NCAPH2: variants seen among roughly 807,000 people sequenced by gnomAD.
NCAPH2 encodes non-SMC condensin II complex subunit H2.
In NCAPH2, 56 loss-of-function variants were observed where a neutral mutation model predicts 88.6. The ratio of observed to expected loss-of-function variants is 0.63; its 90% CI spans 0.51 to 0.79. The LOEUF (loss-of-function observed/expected upper bound fraction) is 0.79. NCAPH2 is among the 30% of genes least tolerant of loss of function. The pLI is 0.00. For missense variants in NCAPH2, 794 were observed against 792.0 expected (o/e 1.00, Z -0.03); for synonymous variants, 378 against 313.6 (o/e 1.21, Z -2.17).
At chr22:50,517,377 G>T in intron 2 of NCAPH2, 50 bp from the exon 3 acceptor site, 5 of 1,598,684 alleles carry the variant, frequency 3.1e-6, no homozygotes, top group Non-Finnish European at 4.3e-6. Context: ...GAAGGCCTTG[G>T]GGGTGGGCCC....
intron 2 of NCAPH2, among the ~76,000 whole-genome samples, chr22:50,516,919 G>C (rs2068940415): frequency 6.6e-6 from 1 of 152,192 alleles, no homozygotes; most frequent in Admixed American, 6.5e-5. Flanking sequence ...TGGGGCCTCT[G>C]TTCTGTGGAG....
At chr22:50,514,106 C>CAAACAAAACA (rs568739989) in intron 1 of NCAPH2, among the ~76,000 whole-genome samples, 2 of 152,030 alleles carry the variant, frequency 1.3e-5, no homozygotes, top group Non-Finnish European at 2.9e-5. Flanking sequence ...GACTCCGTCT[C>CAAACAAAACA]AAACAAAACA....
chr22:50,508,461 GAGTGA>G lies in NCAPH2; in HGVS notation c.108+17_108+21del. The G allele has an allele frequency of 1.1e-6, 1 of 945,598 alleles. No homozygotes were observed. The allele number at this position is 945,598 out of a possible 1,614,324, so 58.6% of individuals were successfully genotyped here. ...TCTGGAGGAGGTAAGGGCGGCGGGG[GAGTGA>G]CGCGGGGTGGGCCGGCGGGTGGGGC... On this transcript the variant is annotated intron_variant, in intron 1 of 19. Transcript: ENST00000420993.
At chr22:50,521,680 G>A (rs1948510002) in intron 11 of NCAPH2, 61 bp from the exon 12 acceptor site, 5 of 1,610,014 alleles carry the variant, frequency 3.1e-6, no homozygotes, top group African/African-American at 2.7e-5. Flanking sequence ...GTGGGGGGGT[G>A]GGAGTGGGCT....
chr22:50,508,869 C>G (rs539847952), intron 1 of NCAPH2, among the ~76,000 whole-genome samples: 1 of 152,200 alleles, frequency 6.6e-6, no homozygotes, highest in Non-Finnish European at 1.5e-5. Flanking sequence ...ATGCTCTATC[C>G]TGTTAGCGAT....
Position 50,517,409 on chromosome 22 carries a change from C to T in NCAPH2, c.211-18C>T, listed in dbSNP as rs1290142570. On this transcript the variant is annotated intron_variant, in intron 2 of 19. Transcript: ENST00000420993. ...GCCCCTCCTTTCTGGGTCCTCACTGCCTGCATCTGGTCACCAGGTGGAATA... is the reference window on the plus strand; with the variant it reads ...GCCCCTCCTTTCTGGGTCCTCACTGTCTGCATCTGGTCACCAGGTGGAATA... 1 of 1,613,902 alleles carries T rather than the reference C, an allele frequency of 6.2e-7. No individual in the cohort carries two copies. Among genetic ancestry groups the T allele is most frequent in the South Asian group, 1.1e-5 (1 of 91,082 alleles).
At chr22:50,509,847 C>T (rs1312419112) in intron 1 of NCAPH2, among the ~76,000 whole-genome samples, 1 of 152,164 alleles carries the variant, frequency 6.6e-6, no homozygotes, top group African/African-American at 2.4e-5. Context: ...AACCAGTCAA[C>T]CTATGGCCCC....
In NCAPH2 at chr22:50,519,257, G is replaced by C. The variant is rs745592224; in HGVS notation, c.798G>C (p.Glu266Asp). The C allele has an allele frequency of 1.9e-6, 3 of 1,608,610 alleles. No homozygotes were observed. In the East Asian group the frequency reaches 6.7e-5, roughly 36 times the overall value. Residue 266 changes from glutamate (E) to aspartate (D), a missense_variant, in exon 9 of 20, where the codon GAG (glutamate) becomes GAC (aspartate). By Grantham distance (45) the Glu-to-Asp change is conservative. Transcript: ENST00000420993. ...ACGAGGATGCAGAGGAGGCAGTAGA[G>C]CTTCCTGAGGCCTCGGCCCCCAAGG... ...GEDEDAEEAV[E>D]LPEASAPKAA...
rs987764814 is a variant in NCAPH2 at position 50,521,580 on chromosome 22, A to T, written c.971A>T (p.Asp324Val). ...CCCTGGCAGAGCCTGGACCCCTTTG[A>T]CTCCTTGGAGTCTAAGCCCTTCAAG... is the stretch of plus-strand genomic sequence containing the variant. ...PDPWQSLDPF[D>V]SLESKPFKKG... Residue 324 changes from aspartate to valine, a missense_variant, in exon 11 of 20, where the codon GAC becomes GTC. Coordinates refer to ENST00000420993, the MANE Select transcript of NCAPH2 (RefSeq NM_152299.4). 1 of 1,613,050 alleles carries T rather than the reference A, an allele frequency of 6.2e-7. No homozygotes were observed. The highest frequency in any genetic ancestry group is 1.3e-5 in the African/African-American group (1 of 74,812).
intron 1 of NCAPH2, among the ~76,000 whole-genome samples, chr22:50,515,562 A>G (rs1437170199): frequency 6.6e-6 from 1 of 151,908 alleles, no homozygotes; most frequent in African/African-American, 2.4e-5. Flanking sequence ...ACGCCCAGCT[A>G]ATTTTTTGTA....
chr22:50,518,050 C>T lies in NCAPH2; in HGVS notation c.498C>T (p.Tyr166=), dbSNP rs1236029408. 4 of 1,613,906 alleles carry T rather than the reference C, an allele frequency of 2.5e-6. No homozygotes were observed. Among genetic ancestry groups the T allele is most frequent in the Non-Finnish European group, 3.4e-6 (4 of 1,179,956 alleles). The part of the protein sequence containing the change: ...DEMEKNNNPL[Y]SRQGEVLASR... ...TGGAGAAGAACAACAATCCCCTGTA[C>T]AGGTAGGGATCTGAGCCCAGCGACG... is the stretch of plus-strand genomic sequence containing the variant. Residue 166 remains tyrosine, a splice_region_variant and synonymous_variant, in exon 6 of 20, where the codon TAC becomes TAT. Coordinates refer to ENST00000420993, the MANE Select transcript of NCAPH2 (RefSeq NM_152299.4).
chr22:50,516,182 G>A (rs139625509), intron 1 of NCAPH2, among the ~76,000 whole-genome samples: 132 of 152,260 alleles, frequency 8.7e-4, no homozygotes, highest in African/African-American at 2.8e-3. Flanking sequence ...GGAGGGAGCC[G>A]CTGTGCTGCC....
chr22:50,523,302 T>C lies in NCAPH2; in HGVS notation c.1745T>C (p.Leu582Pro), dbSNP rs1366938717. Reference sequence around the variant, plus strand: ...GAGATGGCCGTGGACACCATGTCCCTGAGACTGCTCACGCACCAGCGAGCG... The same window carrying C: ...GAGATGGCCGTGGACACCATGTCCCCGAGACTGCTCACGCACCAGCGAGCG... ...GLEMAVDTMS[L>P]RLLTHQRAHK... Residue 582 changes from leucine (L) to proline (P), a missense_variant, in exon 20 of 20, where the codon CTG (leucine) becomes CCG (proline). This residue lies in a region of NCAPH2 where 735 missense variants were observed against 696.3 expected (regional missense o/e 1.06). Coordinates refer to ENST00000420993, the MANE Select transcript of NCAPH2 (RefSeq NM_152299.4). 2.5e-6 allele frequency: 4 copies of C among 1,600,050 alleles called. No individual in the cohort carries two copies. Among genetic ancestry groups the C allele is most frequent in the Admixed American group, 3.4e-5 (2 of 57,976 alleles).
rs987496630 is a variant in NCAPH2 at position 50,516,342 on chromosome 22, C to T, written c.109-105C>T. The T allele has an allele frequency of 1.6e-5, 16 of 994,678 alleles. No individual in the cohort carries two copies. In the African/African-American group the frequency reaches 2.2e-4, roughly 14 times the overall value. 61.6% of individuals were successfully genotyped at this position (994,678 alleles called of 1,614,324 possible). On this transcript the variant is annotated intron_variant, in intron 1 of 19. Coordinates refer to ENST00000420993, the MANE Select transcript of NCAPH2 (RefSeq NM_152299.4). ...CCACAGCATAGCTAGAGCTGCCCGT[C>T]TCGGGAGGTGCTGGGCAGAGACCAA...
Position 50,522,845 on chromosome 22 carries a change from A to G in NCAPH2, c.1450A>G (p.Lys484Glu). The G allele has an allele frequency of 1.2e-6, 2 of 1,613,456 alleles. No individual in the cohort carries two copies. Among genetic ancestry groups the G allele is most frequent in the Non-Finnish European group, 1.7e-6 (2 of 1,179,992 alleles). The change falls in exon 18 of 20, where the codon AAG (lysine) becomes GAG (glutamate). Residue 484 changes from lysine to glutamate, a missense_variant. Physicochemically the swap from Lys to Glu is moderately conservative, Grantham distance 56 (BLOSUM62 1). This residue lies in a region of NCAPH2 where 735 missense variants were observed against 696.3 expected (regional missense o/e 1.06). Transcript: ENST00000420993. The part of the protein sequence containing the change: ...NVELFIATSQ[K>E]FVQETELSQR... ...GGAGCTCTTCATCGCCACCTCCCAG[A>G]AGTTTGTCCAGGAGACAGAGCTGAG...
chr22:50,518,882 G>A, intron 8 of NCAPH2, 150 bp downstream of exon 8: 1 of 853,940 alleles, frequency 1.2e-6, no homozygotes, highest in Non-Finnish European at 1.8e-6. Flanking sequence ...CTCGCCCCGG[G>A]GAAGCAGCCA....
Position 50,523,336 on chromosome 22 carries a change from C to T in NCAPH2, c.1779C>T (p.Arg593=). The change falls in exon 20 of 20, where the codon CGC becomes CGT. Residue 593 remains arginine, a synonymous_variant. Transcript: ENST00000420993. ...TCACGCACCAGCGAGCGCACAAGCG[C>T]TTCCAGACCTACGCTGCCCCCTCCA... ...RLLTHQRAHK[R]FQTYAAPSMA... is the part of the protein sequence containing the mutation. 1 of 1,568,384 alleles carries T rather than the reference C, an allele frequency of 6.4e-7. No individual in the cohort carries two copies. The highest frequency in any genetic ancestry group is 8.6e-7 in the Non-Finnish European group (1 of 1,156,964).
chr22:50,520,859 G>T (rs1327255528), intron 9 of NCAPH2, 106 bp from the exon 10 acceptor site: 1 of 1,322,618 alleles, frequency 7.6e-7, no homozygotes. Flanking sequence ...CACCACGCCC[G>T]ACCCTTGTAG....
rs138105501 is a variant in NCAPH2, at chr22:50,521,762, C to T, written c.1022C>T (p.Pro341Leu). The T allele has an allele frequency of 3.7e-6, 6 of 1,613,990 alleles. No homozygotes were observed. The highest frequency in any genetic ancestry group is 2.2e-5 in the South Asian group (2 of 91,090). ...FKKGRPYSVP[P>L]CVEEALGQKR... ...CCAGGTAGGCCTTACTCTGTGCCCCCCTGTGTGGAGGAGGCTCTGGGACAG... is the reference window on the plus strand; with the variant it reads ...CCAGGTAGGCCTTACTCTGTGCCCCTCTGTGTGGAGGAGGCTCTGGGACAG... Residue 341 changes from proline to leucine, a missense_variant, in exon 12 of 20, where the codon CCC becomes CTC. By Grantham distance (98) the Pro-to-Leu change is moderately conservative (BLOSUM62 -3). Coordinates refer to ENST00000420993, the MANE Select transcript of NCAPH2 (RefSeq NM_152299.4).
Sources: allele counts gnomAD v4.1 joint callset (sites outside exome capture counted in the v4.1 genomes callset), GRCh38; gene constraint gnomAD v4.1.1; regional missense constraint gnomAD v4.1.1; transcripts MANE v1.5; gene names NCBI Gene and HGNC (gene_info 2026-07-23, HGNC 2026-07-21).